The following UBE3D variants were observed in gnomAD, a reference collection of about 807,000 sequenced individuals.
UBE3D encodes the protein E3 ubiquitin-protein ligase E3D.
Under a neutral mutation model 49.6 loss-of-function variants are expected in UBE3D, and 48 were observed. The observed-to-expected ratio is 0.97, with a 90% CI of 0.77 to 1.23. The LOEUF (loss-of-function observed/expected upper bound fraction) is 1.23. UBE3D is among the 50% of genes most tolerant of loss of function. The pLI is 0.00. For synonymous variants in UBE3D, 189 were observed against 174.2 expected, an observed-to-expected ratio of 1.08 and a Z score of -0.67; for missense variants, 452 against 468.4, an observed-to-expected ratio of 0.96 and a Z score of 0.32.
intron 8 of UBE3D, among the ~76,000 whole-genome samples, chr6:82,965,819 A>C (rs1176511750): frequency 6.6e-6 from 1 of 152,154 alleles, no homozygotes; most frequent in Non-Finnish European, 1.5e-5. Flanking sequence ...ACCCAGCTTC[A>C]AGCCATCATT....
chr6:83,058,132 T>G, intron 1 of UBE3D, 110 bp from the exon 2 acceptor site: 2 of 1,036,276 alleles, frequency 1.9e-6, no homozygotes, highest in Non-Finnish European at 2.8e-6. Flanking sequence ...ATAGGAGCTC[T>G]AAAGTCACTG....
At chr6:82,923,954 C>T (rs1390262649) in intron 9 of UBE3D, among the ~76,000 whole-genome samples, 1 of 151,660 alleles carries the variant, frequency 6.6e-6, no homozygotes, top group Non-Finnish European at 1.5e-5. Context: ...AGTAAAAAAA[C>T]AAATTTCAGC....
intron 8 of UBE3D, among the ~76,000 whole-genome samples, chr6:82,991,329 T>C (rs187368939): frequency 3.6e-4 from 55 of 152,294 alleles, no homozygotes; most frequent in African/African-American, 1.3e-3. Context: ...CAACCATCAA[T>C]ACCTCCAAGG....
At position 82,934,453 on chromosome 6, in the gene UBE3D, T is replaced by C. The variant is rs150121700; in HGVS notation, c.1149+22859A>G. Among the ~76,000 whole-genome samples the C allele has an allele frequency of 4.6e-3, 707 of 152,168 alleles. 13 individuals are homozygous for C. Among genetic ancestry groups the C allele is most frequent in the Middle Eastern group, 6.8e-3 (2 of 294 alleles). ...GTTTATGAAAGGAAACCAAAGAAAA[T>C]TGTTGCTGACAAATGCTGCAAGTTA... On this transcript the variant is annotated intron_variant, in intron 9 of 9. Transcript: ENST00000369747.
At chr6:83,054,261 C>G (rs180787930) in intron 2 of UBE3D, 23 bp from the exon 3 acceptor site, 1 of 1,568,742 alleles carries the variant, frequency 6.4e-7, no homozygotes, top group South Asian at 1.1e-5. Context: ...AATGAAATAG[C>G]TAATCTTAGA....
chr6:82,906,134 T>C (rs1772083731), intron 9 of UBE3D, among the ~76,000 whole-genome samples: 1 of 152,174 alleles, frequency 6.6e-6, no homozygotes, highest in Non-Finnish European at 1.5e-5. Flanking sequence ...AACTAGCTCA[T>C]ACATTTTTTT....
chr6:83,026,822 G>T (rs1781494664), intron 5 of UBE3D, among the ~76,000 whole-genome samples: 1 of 152,008 alleles, frequency 6.6e-6, no homozygotes, highest in Non-Finnish European at 1.5e-5. Context: ...CTCCTGAGTA[G>T]CTAGCACTAC....
At chr6:83,009,863 G>A (rs533650196) in intron 8 of UBE3D, among the ~76,000 whole-genome samples, 17 of 149,784 alleles carry the variant, frequency 1.1e-4, no homozygotes, top group Admixed American at 3.4e-4. Flanking sequence ...AATACTGAGC[G>A]AAAAAAATCA....
At chr6:83,006,554 A>T (rs753088857) in intron 8 of UBE3D, among the ~76,000 whole-genome samples, 1 of 152,202 alleles carries the variant, frequency 6.6e-6, no homozygotes, top group Non-Finnish European at 1.5e-5. Context: ...GCCATTTACA[A>T]GCCAGGAAGA....
chr6:83,038,300 A>C, intron 5 of UBE3D, 116 bp downstream of exon 5: 1 of 830,666 alleles, frequency 1.2e-6, no homozygotes, highest in South Asian at 1.6e-5. Flanking sequence ...TTTGAAAAGC[A>C]CCAATTCCAC....
intron 5 of UBE3D, chr6:83,032,217 T>C (rs1781927583): frequency 2.2e-6 from 1 of 456,038 alleles, no homozygotes; most frequent in Non-Finnish European, 4.4e-6. Flanking sequence ...CACCAGCCCA[T>C]GAAAGAAGCT....
At chr6:82,887,394 T>TG (rs764187205), downstream of UBE3D, among the ~76,000 whole-genome samples, 827 of 131,412 alleles carry the variant, frequency 6.3e-3, 33 homozygotes, top group African/African-American at 0.023. Context: ...TAACAGTTTT[T>TG]TTTTTTTTTT....
chr6:83,008,202 T>C (rs1780110006), intron 8 of UBE3D, among the ~76,000 whole-genome samples: 1 of 152,078 alleles, frequency 6.6e-6, no homozygotes, highest in Admixed American at 6.6e-5. Context: ...ACGCCAGTAG[T>C]TCCCCAAGTT....
At chr6:83,031,339 T>G (rs1440598037) in intron 5 of UBE3D, among the ~76,000 whole-genome samples, 1 of 152,182 alleles carries the variant, frequency 6.6e-6, no homozygotes. Context: ...CAGTAAAGCA[T>G]TCAAGAAGTG....
chr6:82,921,920 G>T (rs1449747229), intron 9 of UBE3D, among the ~76,000 whole-genome samples: 1 of 152,094 alleles, frequency 6.6e-6, no homozygotes, highest in Admixed American at 6.6e-5. Context: ...ACAAATAAAA[G>T]AAATAGCAAA....
chr6:82,928,895 T>C (rs997926277), intron 9 of UBE3D, among the ~76,000 whole-genome samples: 8 of 152,152 alleles, frequency 5.3e-5, no homozygotes, highest in Admixed American at 1.3e-4. Flanking sequence ...AACAAAGATA[T>C]GCATAACAAA....
At chr6:82,975,137 A>G (rs2127711581) in intron 8 of UBE3D, among the ~76,000 whole-genome samples, 1 of 152,300 alleles carries the variant, frequency 6.6e-6, no homozygotes, top group East Asian at 1.9e-4. Flanking sequence ...TACTTTGGAT[A>G]TGAGTTCATC....
At chr6:83,060,060 A>AG (rs1491117957) in intron 1 of UBE3D, among the ~76,000 whole-genome samples, 2 of 149,562 alleles carry the variant, frequency 1.3e-5, no homozygotes, top group Admixed American at 6.6e-5. Context: ...TAATCTCATC[A>AG]GGGGGGCCCC....
chr6:82,985,190 C>T (rs1419702815), intron 8 of UBE3D, among the ~76,000 whole-genome samples: 3 of 151,460 alleles, frequency 2.0e-5, no homozygotes, highest in Admixed American at 6.6e-5. Flanking sequence ...GTTTATGATG[C>T]TTTTTTGTTA....
Sources: allele counts gnomAD v4.1 joint callset (sites outside exome capture counted in the v4.1 genomes callset), GRCh38; gene constraint gnomAD v4.1.1; transcripts MANE v1.5; gene names NCBI Gene and HGNC (gene_info 2026-07-23, HGNC 2026-07-21).